SLC68A1: variants seen among roughly 807,000 people sequenced by gnomAD.
SLC68A1 encodes solute carrier family 68 member 1.
chr10:102,475,277 C>T, the SLC68A1 span, among the ~76,000 whole-genome samples: 1 of 146,796 alleles, frequency 6.8e-6, no homozygotes, highest in African/African-American at 2.5e-5. Context: ...GCCTAGGTGA[C>T]AGAGCGAGAC....
chr10:102,466,557 T>G, the SLC68A1 span, among the ~76,000 whole-genome samples: 1 of 151,812 alleles, frequency 6.6e-6, no homozygotes, highest in South Asian at 2.1e-4. Context: ...CCAGAAGGGT[T>G]GAATTGCCTG....
chr10:102,469,083 C>A, the SLC68A1 span: 1 of 1,614,138 alleles, frequency 6.2e-7, no homozygotes, highest in Non-Finnish European at 8.5e-7. Context: ...CAGCTGTGGT[C>A]TATGGCTCCC....
chr10:102,464,466 A>G, the SLC68A1 span, among the ~76,000 whole-genome samples: 91 of 150,886 alleles, frequency 6.0e-4, 1 homozygote, highest in Admixed American at 7.9e-4. Context: ...AAAAAAAATC[A>G]TGAAACCAAA....
At chr10:102,474,575 T>G in the SLC68A1 span, among the ~76,000 whole-genome samples, 1 of 152,166 alleles carries the variant, frequency 6.6e-6, no homozygotes, top group Non-Finnish European at 1.5e-5. Context: ...GAAATGTGGC[T>G]GGAAAAGCGA....
At chr10:102,467,978 C>A in the SLC68A1 span, among the ~76,000 whole-genome samples, 1 of 151,824 alleles carries the variant, frequency 6.6e-6, no homozygotes. Context: ...TTTTTATAAG[C>A]ATAGGATGGG....
At chr10:102,463,294 C>T in the SLC68A1 span, among the ~76,000 whole-genome samples, 1 of 151,994 alleles carries the variant, frequency 6.6e-6, no homozygotes, top group Non-Finnish European at 1.5e-5. Context: ...CTCAGCCTCC[C>T]GAGTAAGCTG....
At chr10:102,473,395 A>T in the SLC68A1 span, among the ~76,000 whole-genome samples, 1 of 152,010 alleles carries the variant, frequency 6.6e-6, no homozygotes, top group Non-Finnish European at 1.5e-5. Context: ...TAAAGTGGGG[A>T]TGATAATAGT....
the SLC68A1 span, chr10:102,470,978 T>A: frequency 1.2e-6 from 2 of 1,613,272 alleles, no homozygotes; most frequent in Non-Finnish European, 1.7e-6. Context: ...CAAGGAGGAT[T>A]TCTCCTCCTT....
At chr10:102,470,045 G>A in the SLC68A1 span, 4 of 1,614,012 alleles carry the variant, frequency 2.5e-6, no homozygotes, top group Non-Finnish European at 3.4e-6. Context: ...GGTTGGCTCA[G>A]TGACCGGCAG....
chr10:102,472,948 T>G, the SLC68A1 span: 1 of 1,611,980 alleles, frequency 6.2e-7, no homozygotes, highest in Admixed American at 1.7e-5. Context: ...TCCATCCTGT[T>G]GGGTGAGTGT....
the SLC68A1 span, chr10:102,470,047 G>T: frequency 6.2e-7 from 1 of 1,614,056 alleles, no homozygotes; most frequent in South Asian, 1.1e-5. Flanking sequence ...TTGGCTCAGT[G>T]ACCGGCAGTT....
the SLC68A1 span, among the ~76,000 whole-genome samples, chr10:102,469,641 G>C: frequency 6.6e-6 from 1 of 151,606 alleles, no homozygotes; most frequent in South Asian, 2.1e-4. Context: ...CCGCCTTCGT[G>C]GTTCAAGTGA....
At chr10:102,469,066 C>T in the SLC68A1 span, 3 of 1,614,038 alleles carry the variant, frequency 1.9e-6, no homozygotes, top group Non-Finnish European at 8.5e-7. Flanking sequence ...GTTGCTGGGT[C>T]TGCCCACAGC....
At chr10:102,461,914 G>A in the SLC68A1 span, 1 of 152,298 alleles carries the variant, frequency 6.6e-6, no homozygotes, top group Non-Finnish European at 1.5e-5. Context: ...CTCCTCAGGT[G>A]ATTTTAACGT....
chr10:102,461,724 T>C, the SLC68A1 span, among the ~76,000 whole-genome samples: 1 of 151,952 alleles, frequency 6.6e-6, no homozygotes, highest in African/African-American at 2.4e-5. Context: ...GTCAAATAGC[T>C]CCCTGGTGGT....
At chr10:102,470,767 G>GC in the SLC68A1 span, 1 of 1,613,990 alleles carries the variant, frequency 6.2e-7, no homozygotes. Context: ...CGTTCTGGGT[G>GC]CCCTGGGCCC....
chr10:102,465,554 A>G, the SLC68A1 span, among the ~76,000 whole-genome samples: 1 of 152,148 alleles, frequency 6.6e-6, no homozygotes, highest in Non-Finnish European at 1.5e-5. Context: ...TTTGTGGGCG[A>G]GGAGCCTGAG....
At chr10:102,471,995 T>A in the SLC68A1 span, 1 of 455,678 alleles carries the variant, frequency 2.2e-6, no homozygotes, top group African/African-American at 2.0e-5. Context: ...CCTCTAACAA[T>A]CTTTTTAAGA....
At chr10:102,468,959 G>T in the SLC68A1 span, 19 of 1,386,888 alleles carry the variant, frequency 1.4e-5, no homozygotes, top group Admixed American at 6.4e-5. Flanking sequence ...CCCCAGGGAC[G>T]AGGATGGGAA....
Sources: allele counts gnomAD v4.1 joint callset (sites outside exome capture counted in the v4.1 genomes callset), GRCh38; gene constraint gnomAD v4.1.1; transcripts MANE v1.5; gene names NCBI Gene and HGNC (gene_info 2026-07-23, HGNC 2026-07-21).